Variants in SGCD observed in about 807,000 individuals in gnomAD.
SGCD encodes the protein sarcoglycan delta.
SGCD carries 18 observed loss-of-function variants against 36.6 expected under a neutral mutation model. The observed-to-expected ratio is 0.49, with a 90% CI of 0.34 to 0.73. The LOEUF is 0.73. Among genes scored for constraint, SGCD ranks in the 30% least tolerant of loss-of-function variants. SGCD has a pLI of 0.01. For synonymous variants in SGCD, 133 were observed against 130.6 expected (o/e 1.02, Z -0.12); for missense variants, 387 against 346.7 (o/e 1.12, Z -0.92).
intron 3 of SGCD, among the ~76,000 whole-genome samples, chr5:156,362,806 C>A (rs1027132471): frequency 6.6e-6 from 1 of 152,094 alleles, no homozygotes; most frequent in Non-Finnish European, 1.5e-5. Flanking sequence ...GTCACAGCAA[C>A]CTTCAAACAT....
At chr5:155,820,662 A>C in the SGCD span, among the ~76,000 whole-genome samples, 1 of 152,284 alleles carries the variant, frequency 6.6e-6, no homozygotes, top group East Asian at 1.9e-4. Context: ...GTGGCTCTGC[A>C]CTTCAGCCTG....
intron 1 of SGCD, among the ~76,000 whole-genome samples, chr5:155,880,791 C>T (rs530739458): frequency 7.2e-5 from 11 of 152,070 alleles, no homozygotes; most frequent in African/African-American, 2.7e-4. Context: ...ATTTCTGTTT[C>T]TGCTTGTAAA....
At chr5:156,631,477 A>T (rs2312659) in intron 6 of SGCD, among the ~76,000 whole-genome samples, 74,537 of 137,490 alleles carry the variant, frequency 0.54, 21,234 homozygotes, top group African/African-American at 0.81. Flanking sequence ...TTTTTTTTTT[A>T]AAAAAAAGAT....
chr5:156,441,056 G>T (rs1371945182), intron 3 of SGCD, among the ~76,000 whole-genome samples: 1 of 152,120 alleles, frequency 6.6e-6, no homozygotes, highest in Non-Finnish European at 1.5e-5. Flanking sequence ...ACAGCTATTA[G>T]ATCCTTAACC....
intron 3 of SGCD, among the ~76,000 whole-genome samples, chr5:156,201,460 A>G (rs149415683): frequency 1.3e-3 from 205 of 152,328 alleles, no homozygotes; most frequent in African/African-American, 4.7e-3. Flanking sequence ...AGCTGCCATC[A>G]TAACACAATG....
chr5:156,586,075 T>A (rs950229368), intron 4 of SGCD, among the ~76,000 whole-genome samples: 1 of 150,428 alleles, frequency 6.6e-6, no homozygotes, highest in South Asian at 2.1e-4. Flanking sequence ...TTTTTTTTTT[T>A]AAAGTAATAT....
At chr5:156,031,949 G>A (rs537929800) in intron 1 of SGCD, among the ~76,000 whole-genome samples, 1 of 152,176 alleles carries the variant, frequency 6.6e-6, no homozygotes, top group East Asian at 1.9e-4. Flanking sequence ...TATATGATAA[G>A]TCATAGCCAT....
In SGCD at chr5:156,185,504, G is replaced by A. The variant is rs140747812; in HGVS notation, c.-44+61485G>A. Among the ~76,000 whole-genome samples the A allele has an allele frequency of 1.9e-3, 290 of 152,090 alleles. 1 individual carries two copies. The highest frequency in any genetic ancestry group is 5.6e-3 in the African/African-American group (232 of 41,512). On this transcript the variant is annotated intron_variant, in intron 3 of 9. Transcript: ENST00000517913. ...GCTGGGATTACAGATGTGAGCCACC[G>A]CGCCTGGCCTCTTTTAATTTTTTTA...
At chr5:156,458,524 T>A in intron 3 of SGCD, 1 of 1,476,344 alleles carries the variant, frequency 6.8e-7, no homozygotes, top group African/African-American at 1.4e-5. Flanking sequence ...CAAACCAGAA[T>A]AGACACACCA....
intron 3 of SGCD, among the ~76,000 whole-genome samples, chr5:156,164,093 G>A (rs150600571): frequency 6.6e-6 from 1 of 151,098 alleles, no homozygotes; most frequent in East Asian, 1.9e-4. Context: ...TTGGAGAATG[G>A]CAGGAAAGCT....
chr5:156,399,304 C>CA (rs1431563443), intron 3 of SGCD, among the ~76,000 whole-genome samples: 1 of 152,182 alleles, frequency 6.6e-6, no homozygotes, highest in East Asian at 1.9e-4. Flanking sequence ...TCTCAAGGTG[C>CA]AAATTTAGGC....
chr5:156,695,487 A>C (rs978874973), intron 7 of SGCD, among the ~76,000 whole-genome samples: 4 of 128,434 alleles, frequency 3.1e-5, no homozygotes, highest in Admixed American at 7.5e-5. Context: ...CTCTCTCGAT[A>C]GATAGATAGA....
At position 156,090,921 on chromosome 5, in the gene SGCD, C is replaced by A. The variant is rs28805983; in HGVS notation, c.-281-26957C>A. Reference sequence around the variant, plus strand: ...AATATGGCTGTATTCTTCCCGACCCCGCAGGCAGTCAGACCTTATGGTTAT... The same window carrying A: ...AATATGGCTGTATTCTTCCCGACCCAGCAGGCAGTCAGACCTTATGGTTAT... On this transcript the variant is annotated intron_variant, in intron 1 of 9. Coordinates refer to the SGCD transcript ENST00000517913. Among the ~76,000 whole-genome samples the A allele has an allele frequency of 1.1e-4, 16 of 152,324 alleles. No individual in the cohort carries two copies. In the East Asian group the frequency reaches 1.9e-3, roughly 18 times the overall value.
chr5:156,640,041 C>T (rs1047420998), intron 6 of SGCD, among the ~76,000 whole-genome samples: 8 of 152,152 alleles, frequency 5.3e-5, no homozygotes, highest in Non-Finnish European at 1.0e-4. Context: ...GCAAAGCCTT[C>T]GCAGGTCCTC....
At chr5:156,612,711 T>C (rs76063693) in intron 6 of SGCD, among the ~76,000 whole-genome samples, 6 of 152,328 alleles carry the variant, frequency 3.9e-5, no homozygotes, top group Non-Finnish European at 8.8e-5. Context: ...AGTGGTATGA[T>C]GGCAGTGTGT....
At chr5:156,559,580 T>G (rs1216233094) in intron 4 of SGCD, among the ~76,000 whole-genome samples, 2 of 152,188 alleles carry the variant, frequency 1.3e-5, no homozygotes, top group African/African-American at 4.8e-5. Flanking sequence ...ATTTTCTACT[T>G]TCTAATAGTG....
chr5:155,848,432 G>A, the SGCD span, among the ~76,000 whole-genome samples: 3 of 152,126 alleles, frequency 2.0e-5, no homozygotes, highest in East Asian at 3.9e-4. Context: ...GGCAGAAAAA[G>A]CATTGGTTAT....
At chr5:156,691,838 A>G (rs1434151580) in intron 7 of SGCD, among the ~76,000 whole-genome samples, 1 of 152,238 alleles carries the variant, frequency 6.6e-6, no homozygotes, top group South Asian at 2.1e-4. Context: ...GAACATGAAT[A>G]AAAGTATAAA....
intron 1 of SGCD, among the ~76,000 whole-genome samples, chr5:155,936,216 G>T (rs952841237): frequency 4.6e-5 from 7 of 152,188 alleles, no homozygotes; most frequent in African/African-American, 1.4e-4. Flanking sequence ...CCCTGTATGT[G>T]TTACAGCCCT....
Sources: allele counts gnomAD v4.1 joint callset (sites outside exome capture counted in the v4.1 genomes callset), GRCh38; gene constraint gnomAD v4.1.1; transcripts MANE v1.5; gene names NCBI Gene and HGNC (gene_info 2026-07-23, HGNC 2026-07-21).